Variants in CSMD1 observed in about 807,000 individuals in gnomAD.
CSMD1 encodes CUB and sushi domain-containing protein 1.
Under a neutral mutation model 417.5 loss-of-function variants are expected in CSMD1, and 213 were observed. The observed-to-expected ratio is 0.51, with a 90% CI of 0.46 to 0.57. The LOEUF (loss-of-function observed/expected upper bound fraction) is 0.57, where lower values mean the gene tolerates loss of function less well. Ranked by LOEUF, CSMD1 falls within the 20% of genes least tolerant of loss-of-function variation. The probability of loss-of-function intolerance (pLI) is 0.00; values close to 1 mark genes in which losing one functional copy is unlikely to be tolerated. For synonymous variants in CSMD1, 2,862 were observed against 1,736.8 expected, an observed-to-expected ratio of 1.65 and a Z score of -16.11; for missense variants, 6,923 against 4,529.7, an observed-to-expected ratio of 1.53 and a Z score of -15.17.
chr8:3,536,366 A>T (rs1486659386), intron 10 of CSMD1, among the ~76,000 whole-genome samples: 1 of 152,248 alleles, frequency 6.6e-6, no homozygotes, highest in Admixed American at 6.5e-5. Flanking sequence ...TGAGGGTGTC[A>T]GAATTCCATG....
At chr8:4,199,453 T>G (rs1042565425) in intron 3 of CSMD1, among the ~76,000 whole-genome samples, 4 of 152,184 alleles carry the variant, frequency 2.6e-5, no homozygotes, top group African/African-American at 9.6e-5. Flanking sequence ...TGCATCTCAG[T>G]TTCCTGAGAA....
intron 3 of CSMD1, among the ~76,000 whole-genome samples, chr8:4,382,459 T>C (rs1478429899): frequency 6.6e-6 from 1 of 152,158 alleles, no homozygotes; most frequent in Non-Finnish European, 1.5e-5. Flanking sequence ...TACTTTATAA[T>C]ATAGACCATT....
intron 2 of CSMD1, among the ~76,000 whole-genome samples, chr8:4,431,437 C>T (rs540908909): frequency 3.9e-5 from 6 of 151,982 alleles, no homozygotes; most frequent in African/African-American, 1.2e-4. Flanking sequence ...GAGAGGAGAG[C>T]GAGTGAGCAC....
intron 2 of CSMD1, among the ~76,000 whole-genome samples, chr8:4,489,577 C>A (rs1215664238): frequency 1.3e-5 from 2 of 152,174 alleles, no homozygotes; most frequent in Non-Finnish European, 2.9e-5. Flanking sequence ...CTCCCCATCC[C>A]TGCCTTCTGG....
intron 12 of CSMD1, among the ~76,000 whole-genome samples, chr8:3,422,280 G>T (rs887367566): frequency 2.0e-5 from 3 of 152,046 alleles, no homozygotes; most frequent in African/African-American, 4.8e-5. Context: ...TACAATTCTG[G>T]GTACCTGATC....
intron 3 of CSMD1, among the ~76,000 whole-genome samples, chr8:4,039,900 A>G (rs958746844): frequency 2.6e-5 from 4 of 152,232 alleles, no homozygotes; most frequent in Non-Finnish European, 4.4e-5. Flanking sequence ...TAGTTTCTAC[A>G]TCTTAGAAAG....
intron 2 of CSMD1, among the ~76,000 whole-genome samples, chr8:4,471,101 G>C (rs953284470): frequency 3.3e-5 from 5 of 152,074 alleles, no homozygotes; most frequent in African/African-American, 1.2e-4. Context: ...TTTTGTATTT[G>C]TGTGAAATGT....
intron 1 of CSMD1, among the ~76,000 whole-genome samples, chr8:4,853,538 G>T (rs915355530): frequency 6.6e-6 from 1 of 152,340 alleles, no homozygotes; most frequent in African/African-American, 2.4e-5. Context: ...GTATCAGAAA[G>T]CCTGAGTGCT....
chr8:3,700,947 C>A (rs1030157245), intron 7 of CSMD1, among the ~76,000 whole-genome samples: 2 of 151,292 alleles, frequency 1.3e-5, no homozygotes, highest in African/African-American at 2.4e-5. Flanking sequence ...TTTGTCAGGG[C>A]AGGGAGAGGC....
At chr8:3,766,308 G>C (rs958379135) in intron 5 of CSMD1, among the ~76,000 whole-genome samples, 1 of 152,148 alleles carries the variant, frequency 6.6e-6, no homozygotes, top group African/African-American at 2.4e-5. Context: ...GGGTGACGCA[G>C]ATCACACTGG....
intron 3 of CSMD1, among the ~76,000 whole-genome samples, chr8:4,207,529 G>C (rs1435976805): frequency 1.3e-5 from 2 of 152,038 alleles, no homozygotes; most frequent in African/African-American, 4.8e-5. Context: ...TGAAGTTTTA[G>C]TTTCAAATGT....
chr8:3,632,197 C>T (rs967003649), intron 7 of CSMD1, among the ~76,000 whole-genome samples: 1 of 152,180 alleles, frequency 6.6e-6, no homozygotes, highest in Non-Finnish European at 1.5e-5. Context: ...GGCAGAACTA[C>T]TTTGGCAATA....
At chr8:3,885,224 T>C (rs559927409) in intron 5 of CSMD1, among the ~76,000 whole-genome samples, 3 of 149,210 alleles carry the variant, frequency 2.0e-5, no homozygotes, top group South Asian at 4.1e-4. Flanking sequence ...TATGGGAGAC[T>C]ATTTATTAGT....
intron 68 of CSMD1, among the ~76,000 whole-genome samples, chr8:2,945,208 T>C (rs1164808750): frequency 6.6e-6 from 1 of 152,248 alleles, no homozygotes; most frequent in Non-Finnish European, 1.5e-5. Flanking sequence ...GTTTTAAAAA[T>C]TGTCCTTCCA....
chr8:4,428,695 C>G (rs1349047341), intron 2 of CSMD1, among the ~76,000 whole-genome samples: 1 of 151,834 alleles, frequency 6.6e-6, no homozygotes, highest in Non-Finnish European at 1.5e-5. Flanking sequence ...ATCCAGGGTT[C>G]ATTTTAAATT....
At chr8:2,996,295 CATA>C (rs1199088261) in intron 54 of CSMD1, among the ~76,000 whole-genome samples, 1 of 152,074 alleles carries the variant, frequency 6.6e-6, no homozygotes, top group East Asian at 1.9e-4. Context: ...CATGTTAAAA[CATA>C]ATGTTAACAT....
chr8:3,433,184 A>C (rs1206918731), intron 12 of CSMD1, among the ~76,000 whole-genome samples: 1 of 152,210 alleles, frequency 6.6e-6, no homozygotes, highest in African/African-American at 2.4e-5. Flanking sequence ...AATAGAAATA[A>C]ACTTTATTAG....
chr8:3,719,436 C>T (rs1425944731), intron 6 of CSMD1, among the ~76,000 whole-genome samples: 1 of 152,142 alleles, frequency 6.6e-6, no homozygotes, highest in Non-Finnish European at 1.5e-5. Flanking sequence ...TTTTTCCAGG[C>T]ACATAATGCA....
chr8:4,208,400 T>C (rs1253857487), intron 3 of CSMD1, among the ~76,000 whole-genome samples: 2 of 152,198 alleles, frequency 1.3e-5, no homozygotes, highest in South Asian at 2.1e-4. Context: ...TGGCCTATTA[T>C]AATTACCATG....
Sources: allele counts gnomAD v4.1 joint callset (sites outside exome capture counted in the v4.1 genomes callset), GRCh38; gene constraint gnomAD v4.1.1; transcripts MANE v1.5; gene names NCBI Gene and HGNC (gene_info 2026-07-23, HGNC 2026-07-21).